LZIC: variants seen among roughly 807,000 people sequenced by gnomAD.
LZIC encodes the protein protein LZIC.
LZIC carries 28 observed loss-of-function variants against 25.4 expected under a neutral mutation model. The ratio of observed to expected loss-of-function variants is 1.10; its 90% CI spans 0.82 to 1.51. LZIC has a LOEUF of 1.51. Ranked by LOEUF, LZIC falls within the 40% of genes most tolerant of loss-of-function variation. The pLI is 0.00. For missense variants in LZIC, 170 were observed against 211.1 expected (o/e 0.81, Z 1.21); for synonymous variants, 65 against 70.7 (o/e 0.92, Z 0.40).
chr1:9,935,700 C>T lies in LZIC; in HGVS notation c.102-73G>A, dbSNP rs1204607652. The T allele has an allele frequency of 5.3e-6, 7 of 1,333,012 alleles. No individual in the cohort carries two copies. In the East Asian group the frequency reaches 9.6e-5, roughly 18 times the overall value. 82.6% of individuals were successfully genotyped at this position (1,333,012 alleles called of 1,614,324 possible). On this transcript the variant is annotated intron_variant, in intron 3 of 7. Coordinates refer to ENST00000377223, the MANE Select transcript of LZIC (RefSeq NM_032368.5). The stretch of plus-strand genomic sequence containing the variant: ...GAAAAATGCAATCTTAATACTTGTA[C>T]ATTAGAGAAAGACTGAAGGGAAATA...
chr1:9,932,172 C>T (rs563750733), intron 6 of LZIC, 200 bp from the exon 7 acceptor site: 32 of 459,240 alleles, frequency 7.0e-5, no homozygotes, highest in African/African-American at 5.8e-4. Flanking sequence ...GATGAAACCC[C>T]ATTTCTATTA....
chr1:9,922,954 C>T (rs1224276069), downstream of LZIC, among the ~76,000 whole-genome samples: 1 of 152,160 alleles, frequency 6.6e-6, no homozygotes, highest in Admixed American at 6.6e-5. Flanking sequence ...ACATACATTC[C>T]CACCAACTCA....
In LZIC at chr1:9,928,140, C is replaced by T. The variant is rs1640055170; in HGVS notation, c.*2259G>A. Reference sequence around the variant, plus strand: ...GACCAGCCTGACCAACATGGAGAAACCCCATCTCTACTAAAAACACAAAAT... The same window carrying T: ...GACCAGCCTGACCAACATGGAGAAATCCCATCTCTACTAAAAACACAAAAT... On this transcript the variant is annotated 3_prime_UTR_variant, in exon 8 of 8. Coordinates refer to ENST00000377223, the MANE Select transcript of LZIC (RefSeq NM_032368.5). 6.6e-6 allele frequency among the ~76,000 whole-genome samples: 1 copy of T among 151,934 alleles called. No individual in the cohort carries two copies. Among genetic ancestry groups the T allele is most frequent in the Admixed American group, 6.6e-5 (1 of 15,256 alleles).
At chr1:9,940,317 T>G (rs927677829) in intron 2 of LZIC, among the ~76,000 whole-genome samples, 25 of 152,048 alleles carry the variant, frequency 1.6e-4, no homozygotes, top group Non-Finnish European at 2.6e-4. Flanking sequence ...GCTAGGACTA[T>G]AGGCACCCGC....
rs1640469533 is a variant in LZIC at position 9,936,608 on chromosome 1, T to C, written c.12A>G (p.Arg4=). The part of the protein sequence containing the change: MAS[R]GKTETSKLKQ... ...TTAATTTGCTTGTCTCTGTCTTTCC[T>C]CTGGAAGCCATTTTAATCTCTATGT... The change falls in exon 3 of 8, where the codon AGA becomes AGG. Residue 4 remains arginine (R), a synonymous_variant. Coordinates refer to ENST00000377223, the MANE Select transcript of LZIC (RefSeq NM_032368.5). 6.2e-6 allele frequency: 10 copies of C among 1,611,536 alleles called. No individual in the cohort carries two copies. The highest frequency in any genetic ancestry group is 8.5e-6 in the Non-Finnish European group (10 of 1,178,030).
rs112529960 is a variant in LZIC, at chr1:9,935,061, C to G, written c.238-201G>C. Among the ~76,000 whole-genome samples, 1,293 of 151,890 alleles carry G rather than the reference C, an allele frequency of 8.5e-3. 19 individuals are homozygous for G. Among genetic ancestry groups the G allele is most frequent in the African/African-American group, 0.03 (1,241 of 41,400 alleles). ...ATCTAGAAGTTACACCTTGGGAGGCCAAGGCAGGAGGATTGCTTGAGCCCA... is the reference window on the plus strand; with the variant it reads ...ATCTAGAAGTTACACCTTGGGAGGCGAAGGCAGGAGGATTGCTTGAGCCCA... On this transcript the variant is annotated intron_variant, in intron 4 of 7. Coordinates refer to ENST00000377223, the MANE Select transcript of LZIC (RefSeq NM_032368.5).
chr1:9,935,644 T>A lies in LZIC; in HGVS notation c.102-17A>T. On this transcript the variant is annotated splice_polypyrimidine_tract_variant and intron_variant, in intron 3 of 7. Coordinates refer to ENST00000377223, the MANE Select transcript of LZIC (RefSeq NM_032368.5). ...AGTTCCTCTCTGAAATAGGTGAACATCATGATATGGAAAAATGAAGAGTTC... is the reference window on the plus strand; with the variant it reads ...AGTTCCTCTCTGAAATAGGTGAACAACATGATATGGAAAAATGAAGAGTTC... 1 of 1,581,476 alleles carries A rather than the reference T, an allele frequency of 6.3e-7. No homozygotes were observed. Among genetic ancestry groups the A allele is most frequent in the South Asian group, 1.2e-5 (1 of 85,312 alleles).
chr1:9,932,249 G>A, intron 6 of LZIC: 1 of 263,072 alleles, frequency 3.8e-6, no homozygotes, highest in Non-Finnish European at 7.4e-6. Flanking sequence ...GGAGGATGAG[G>A]CAGTAGAATT....
chr1:9,935,510 TTC>T lies in LZIC; in HGVS notation c.217_218del (p.Glu73ThrfsTer17). ...TACTTACCAGCTGCATTCCACTTAG[TTC>T]ATCTACCAAAGTCATATTTCCAGAC... ...IMSGNMTLVD[E>X]LSGMQLAIQA... On this transcript the variant is annotated frameshift_variant, in exon 4 of 8. Coordinates refer to ENST00000377223, the MANE Select transcript of LZIC (RefSeq NM_032368.5). LOFTEE classifies it high-confidence loss of function. The T allele has an allele frequency of 6.2e-7, 1 of 1,608,518 alleles. No individual in the cohort carries two copies. The highest frequency in any genetic ancestry group is 1.1e-5 in the South Asian group (1 of 89,434).
downstream of LZIC, among the ~76,000 whole-genome samples, chr1:9,925,005 G>C (rs1357913140): frequency 6.6e-6 from 1 of 151,884 alleles, no homozygotes; most frequent in African/African-American, 2.4e-5. Context: ...TGTGGCTGAT[G>C]TATCATCTTA....
At position 9,929,887 on chromosome 1, in the gene LZIC, C is replaced by G; in HGVS notation, c.*512G>C. The stretch of plus-strand genomic sequence containing the variant: ...CTCAGCTCTCTGATGCGACTTTAAG[C>G]AAAGTCGCTTGCTCTTTCTGGACCT... On this transcript the variant is annotated 3_prime_UTR_variant, in exon 8 of 8. Coordinates refer to ENST00000377223, the MANE Select transcript of LZIC (RefSeq NM_032368.5). 1.1e-6 allele frequency: 1 copy of G among 951,928 alleles called. No individual in the cohort carries two copies. Among genetic ancestry groups the G allele is most frequent in the Middle Eastern group, 5.4e-4 (1 of 1,838 alleles). 59.0% of individuals were successfully genotyped at this position (951,928 alleles called of 1,614,324 possible).
Position 9,935,524 on chromosome 1 carries a change from T to A in LZIC, c.205A>T (p.Thr69Ser), listed in dbSNP as rs139494461. 2.5e-6 allele frequency: 4 copies of A among 1,611,402 alleles called. No homozygotes were observed. Among genetic ancestry groups the A allele is most frequent in the Non-Finnish European group, 3.4e-6 (4 of 1,179,332 alleles). The change falls in exon 4 of 8, where the codon ACT becomes TCT. Residue 69 changes from threonine (T) to serine (S), a missense_variant. Thr to Ser is a moderately conservative substitution (Grantham distance 58). Transcript: ENST00000377223. ...ATTCCACTTAGTTCATCTACCAAAG[T>A]CATATTTCCAGACATAATTTTCTTT... Reference protein sequence around the residue: ...SLKKIMSGNMTLVDELSGMQL... With the variant: ...SLKKIMSGNMSLVDELSGMQL...
intron 1 of LZIC, 83 bp downstream of exon 1, chr1:9,943,166 G>C (rs1165088131): frequency 2.8e-5 from 5 of 176,078 alleles, no homozygotes; most frequent in Non-Finnish European, 6.2e-5. Flanking sequence ...CGTAGGTCCC[G>C]CGGCGGCCGG....
chr1:9,933,204 G>A (rs1395259953), intron 5 of LZIC, among the ~76,000 whole-genome samples: 1 of 131,960 alleles, frequency 7.6e-6, no homozygotes, highest in African/African-American at 2.9e-5. Context: ...GCAGTGAGCC[G>A]AGATAGCGCC....
Position 9,927,044 on chromosome 1 carries a change from A to G in LZIC, c.*3355T>C, listed in dbSNP as rs1640008313. On this transcript the variant is annotated 3_prime_UTR_variant, in exon 8 of 8. Coordinates refer to ENST00000377223, the MANE Select transcript of LZIC (RefSeq NM_032368.5). ...GAGGGGAATGCATAATAATCCTATGAGGTAGGCCCTATTATCCTCATTGAA... is the reference window on the plus strand; with the variant it reads ...GAGGGGAATGCATAATAATCCTATGGGGTAGGCCCTATTATCCTCATTGAA... 6.6e-6 allele frequency among the ~76,000 whole-genome samples: 1 copy of G among 152,204 alleles called. No homozygotes were observed. The highest frequency in any genetic ancestry group is 2.1e-4 in the South Asian group (1 of 4,822).
At chr1:9,932,024 T>C (rs1033339612) in intron 6 of LZIC, 52 bp from the exon 7 acceptor site, 3 of 1,378,000 alleles carry the variant, frequency 2.2e-6, no homozygotes, top group African/African-American at 3.0e-5. Flanking sequence ...TACAGGTGGT[T>C]CTAGAAACCA....
chr1:9,926,539 T>C lies in LZIC; in HGVS notation c.*3860A>G, dbSNP rs1639991865. Among the ~76,000 whole-genome samples the C allele has an allele frequency of 2.0e-5, 3 of 152,242 alleles. No homozygotes were observed. The South Asian group carries it at 6.2e-4, about 31-fold the overall frequency. ...ATTCCTCATTCTGTTACTTGATTTC[T>C]TCCTTTACCACCCACATAAAATATG... On this transcript the variant is annotated 3_prime_UTR_variant, in exon 8 of 8. Transcript: ENST00000377223.
intron 3 of LZIC, among the ~76,000 whole-genome samples, chr1:9,936,077 TGAG>T (rs1289267580): frequency 6.7e-6 from 1 of 150,078 alleles, no homozygotes; most frequent in Non-Finnish European, 1.5e-5. Context: ...TGCAGTGGGC[TGAG>T]ATCTCGCCAC....
chr1:9,933,592 G>A (rs972520682), intron 5 of LZIC, among the ~76,000 whole-genome samples: 5 of 151,958 alleles, frequency 3.3e-5, no homozygotes, highest in African/African-American at 1.2e-4. Context: ...AGAAACCTAG[G>A]CACAAAGGGG....
Sources: gnomAD v4.1 joint callset for allele counts (sites outside exome capture counted in the v4.1 genomes callset) on GRCh38, gnomAD v4.1.1 for gene constraint, MANE v1.5 for transcripts, NCBI Gene and HGNC (gene_info 2026-07-23, HGNC 2026-07-21) for gene names.